The following ATP10B variants were observed in gnomAD, a reference collection of about 807,000 sequenced individuals.
The protein encoded by ATP10B is ATPase phospholipid transporting 10B (putative), also known as phospholipid-transporting ATPase VB.
A neutral mutation model predicts 141.2 loss-of-function variants in ATP10B; 122 were observed. That is an observed-to-expected ratio of 0.86 (90% CI 0.75 to 1.00). The LOEUF is 1.00. Ranked by LOEUF, ATP10B falls within the 50% of genes least tolerant of loss-of-function variation. ATP10B has a pLI of 0.00. For synonymous variants in ATP10B, 685 were observed against 692.0 expected (o/e 0.99, Z 0.16); for missense variants, 1,876 against 1,825.3 (o/e 1.03, Z -0.51).
At chr5:160,845,176 T>C (rs906262819) in intron 1 of ATP10B, among the ~76,000 whole-genome samples, 1 of 152,220 alleles carries the variant, frequency 6.6e-6, no homozygotes, top group Non-Finnish European at 1.5e-5. Context: ...GTCTGAAAGT[T>C]GTCAATTATC....
chr5:160,668,325 G>T (rs187774433), intron 7 of ATP10B, among the ~76,000 whole-genome samples: 2 of 148,984 alleles, frequency 1.3e-5, no homozygotes, highest in African/African-American at 5.0e-5. Flanking sequence ...TCATTCACAC[G>T]CATATACACA....
intron 19 of ATP10B, among the ~76,000 whole-genome samples, chr5:160,604,418 G>A (rs1006965091): frequency 6.6e-6 from 1 of 152,138 alleles, no homozygotes; most frequent in African/African-American, 2.4e-5. Context: ...CTTGGCAAGG[G>A]TAATTCCACT....
intron 2 of ATP10B, among the ~76,000 whole-genome samples, chr5:160,759,740 T>C (rs547346509): frequency 6.6e-6 from 1 of 152,236 alleles, no homozygotes; most frequent in Non-Finnish European, 1.5e-5. Context: ...TCATGCAAAC[T>C]TTTCATTCCT....
chr5:160,843,612 T>TA (rs985878224), intron 1 of ATP10B, among the ~76,000 whole-genome samples: 9 of 151,824 alleles, frequency 5.9e-5, no homozygotes, highest in African/African-American at 9.7e-5. Flanking sequence ...AAAAATCTGA[T>TA]AGAGATTTCC....
chr5:160,685,612 C>T (rs1180334117), intron 6 of ATP10B, among the ~76,000 whole-genome samples: 1 of 152,230 alleles, frequency 6.6e-6, no homozygotes, highest in Non-Finnish European at 1.5e-5. Context: ...CACTGCCTGA[C>T]ATCCTCCAAA....
intron 1 of ATP10B, among the ~76,000 whole-genome samples, chr5:160,834,687 G>T (rs1317687367): frequency 1.3e-5 from 2 of 152,132 alleles, no homozygotes; most frequent in Non-Finnish European, 2.9e-5. Flanking sequence ...GGTTCACAAT[G>T]TGCTTTCAGA....
chr5:160,779,057 G>A (rs905569387), intron 2 of ATP10B, among the ~76,000 whole-genome samples: 1 of 152,172 alleles, frequency 6.6e-6, no homozygotes, highest in African/African-American at 2.4e-5. Context: ...TAGGAGGTGT[G>A]CAGAAGCTGG....
chr5:160,736,715 G>A (rs986099672), intron 2 of ATP10B, among the ~76,000 whole-genome samples: 12 of 152,068 alleles, frequency 7.9e-5, no homozygotes, highest in Admixed American at 1.3e-4. Context: ...AGCCGAGATC[G>A]CGCCACTGCA....
At chr5:160,828,746 A>T (rs1171196107) in intron 1 of ATP10B, among the ~76,000 whole-genome samples, 1 of 151,966 alleles carries the variant, frequency 6.6e-6, no homozygotes, top group African/African-American at 2.4e-5. Context: ...TGCTATAAAG[A>T]CACATGCACA....
chr5:160,832,117 A>G (rs921713614), intron 1 of ATP10B, among the ~76,000 whole-genome samples: 32 of 72,180 alleles, frequency 4.4e-4, no homozygotes, highest in African/African-American at 8.8e-4. Flanking sequence ...AGCAATAATA[A>G]TCATAATAAT....
At chr5:160,819,163 G>A (rs185915673) in intron 1 of ATP10B, among the ~76,000 whole-genome samples, 1 of 151,806 alleles carries the variant, frequency 6.6e-6, no homozygotes, top group East Asian at 1.9e-4. Context: ...ATAAAAGAAG[G>A]AATCTTAAAA....
chr5:160,813,557 G>A (rs1379747953), intron 1 of ATP10B, among the ~76,000 whole-genome samples: 1 of 152,192 alleles, frequency 6.6e-6, no homozygotes, highest in Non-Finnish European at 1.5e-5. Context: ...ACTTCTGGGG[G>A]CAGGGCATAG....
chr5:160,815,812 C>G (rs1350432353), intron 1 of ATP10B, among the ~76,000 whole-genome samples: 3 of 152,208 alleles, frequency 2.0e-5, no homozygotes, highest in African/African-American at 4.8e-5. Flanking sequence ...AACAAACTGT[C>G]TCTCAGACCA....
chr5:160,750,814 C>G (rs987790812), intron 2 of ATP10B, among the ~76,000 whole-genome samples: 1 of 152,354 alleles, frequency 6.6e-6, no homozygotes, highest in Middle Eastern at 3.4e-3. Context: ...AAGCTCCACT[C>G]CAGCCGGAAG....
chr5:160,853,215 G>A (rs1318018689), upstream of ATP10B, among the ~76,000 whole-genome samples: 3 of 152,138 alleles, frequency 2.0e-5, no homozygotes, highest in African/African-American at 4.8e-5. Flanking sequence ...AGAGCGAGTT[G>A]GCATTTCAAA....
At chr5:160,597,651 C>G (rs1756801505) in intron 22 of ATP10B, among the ~76,000 whole-genome samples, 1 of 152,024 alleles carries the variant, frequency 6.6e-6, no homozygotes, top group Non-Finnish European at 1.5e-5. Context: ...ACTCATCTGA[C>G]AAAGGGCTAA....
At chr5:160,735,357 T>C (rs1767037349) in intron 2 of ATP10B, among the ~76,000 whole-genome samples, 1 of 151,966 alleles carries the variant, frequency 6.6e-6, no homozygotes. Context: ...TATACTTATG[T>C]CAGACAAAAT....
chr5:160,697,628 G>A (rs1024068787), intron 3 of ATP10B, among the ~76,000 whole-genome samples: 1 of 152,026 alleles, frequency 6.6e-6, no homozygotes, highest in African/African-American at 2.4e-5. Flanking sequence ...TGTTGTCTTT[G>A]GTTGGTAAAA....
the ATP10B span, among the ~76,000 whole-genome samples, chr5:160,887,560 C>T: frequency 5.2e-3 from 789 of 152,240 alleles, 2 homozygotes; most frequent in African/African-American, 0.018. Context: ...CAGTAAGAGC[C>T]CAAGTCCTTA....
Sources: gnomAD v4.1 joint callset for allele counts (sites outside exome capture counted in the v4.1 genomes callset) on GRCh38, gnomAD v4.1.1 for gene constraint, MANE v1.5 for transcripts, NCBI Gene and HGNC (gene_info 2026-07-23, HGNC 2026-07-21) for gene names.